APC: variants seen among roughly 807,000 people sequenced by gnomAD.
The protein encoded by APC is APC regulator of Wnt signaling pathway.
APC carries 72 observed loss-of-function variants against 247.0 expected under a neutral mutation model. The observed-to-expected ratio is 0.29, with a 90% CI of 0.24 to 0.35. APC has a LOEUF of 0.35. Among genes scored for constraint, APC ranks in the 10% least tolerant of loss-of-function variants. APC has a pLI of 1.00. For missense variants in APC, 3,400 were observed against 3,360.7 expected, an observed-to-expected ratio of 1.01 and a Z score of -0.29; for synonymous variants, 1,254 against 1,162.5, an observed-to-expected ratio of 1.08 and a Z score of -1.60.
At chr5:112,712,036 A>C (rs777828509) in intron 1 of APC, among the ~76,000 whole-genome samples, 15 of 152,208 alleles carry the variant, frequency 9.9e-5, no homozygotes, top group Non-Finnish European at 1.5e-5. Flanking sequence ...CCAAACCTGT[A>C]ACAATATCTT....
At chr5:112,718,037 C>T (rs1342233760) in intron 1 of APC, among the ~76,000 whole-genome samples, 2 of 144,376 alleles carry the variant, frequency 1.4e-5, no homozygotes, top group Admixed American at 7.0e-5. Flanking sequence ...GTTATTAACT[C>T]ATTCAGTAAA....
At chr5:112,796,335 A>G (rs866525560) in intron 7 of APC, among the ~76,000 whole-genome samples, 2 of 152,156 alleles carry the variant, frequency 1.3e-5, no homozygotes, top group Non-Finnish European at 1.5e-5. Flanking sequence ...TTCCCCAAAA[A>G]CTCAGCTGAA....
intron 6 of APC, among the ~76,000 whole-genome samples, chr5:112,792,016 G>A (rs1205272639): frequency 6.6e-6 from 1 of 152,158 alleles, no homozygotes; most frequent in Non-Finnish European, 1.5e-5. Context: ...GGGAAGCCGA[G>A]GCAGGCGGAT....
intron 11 of APC, among the ~76,000 whole-genome samples, chr5:112,822,583 A>G (rs1035886240): frequency 6.6e-6 from 1 of 152,198 alleles, no homozygotes; most frequent in Non-Finnish European, 1.5e-5. Context: ...ACTAAGCCTT[A>G]TATAACCAGC....
chr5:112,774,493 G>A (rs1023506208), intron 4 of APC, among the ~76,000 whole-genome samples: 1 of 141,902 alleles, frequency 7.0e-6, no homozygotes, highest in African/African-American at 2.6e-5. Context: ...TTGGAAAGGA[G>A]TCCATTGCCC....
intron 6 of APC, among the ~76,000 whole-genome samples, chr5:112,785,213 A>G (rs1346422888): frequency 1.3e-5 from 2 of 152,208 alleles, no homozygotes; most frequent in South Asian, 2.1e-4. Context: ...ATCCTACACT[A>G]TTTTTGAACT....
intron 8 of APC, among the ~76,000 whole-genome samples, chr5:112,814,758 A>G (rs1018808045): frequency 7.2e-5 from 11 of 152,178 alleles, no homozygotes; most frequent in Admixed American, 7.2e-4. Flanking sequence ...ATGACATGAG[A>G]TACTTAATGA....
chr5:112,832,180 A>C (rs1291539949), intron 14 of APC, among the ~76,000 whole-genome samples: 4 of 152,130 alleles, frequency 2.6e-5, no homozygotes, highest in African/African-American at 9.7e-5. Flanking sequence ...TTTTGAAACA[A>C]AACCTCTGGC....
At chr5:112,783,429 G>C (rs1391900885) in intron 6 of APC, among the ~76,000 whole-genome samples, 1 of 151,994 alleles carries the variant, frequency 6.6e-6, no homozygotes, top group African/African-American at 2.4e-5. Flanking sequence ...GCAAATAATG[G>C]AAATGTTGGT....
chr5:112,807,301 G>A (rs1210217527), intron 8 of APC, among the ~76,000 whole-genome samples: 1 of 152,068 alleles, frequency 6.6e-6, no homozygotes, highest in Non-Finnish European at 1.5e-5. Context: ...AGGGAGTTCT[G>A]GGTTTTTGTA....
intron 5 of APC, among the ~76,000 whole-genome samples, chr5:112,778,962 AAG>A (rs909358578): frequency 2.0e-5 from 3 of 152,066 alleles, no homozygotes; most frequent in Non-Finnish European, 4.4e-5. Flanking sequence ...TAAAAACTGA[AAG>A]AGAGAAAACC....
chr5:112,814,093 C>A (rs900522649), intron 8 of APC, among the ~76,000 whole-genome samples: 1 of 152,278 alleles, frequency 6.6e-6, no homozygotes, highest in Non-Finnish European at 1.5e-5. Flanking sequence ...AATGCAGCAG[C>A]GAACAGAATA....
intron 1 of APC, chr5:112,738,439 TGA>T: frequency 1.0e-6 from 1 of 985,690 alleles, no homozygotes; most frequent in Non-Finnish European, 1.2e-6. Context: ...CTACTGGGGA[TGA>T]GAGAAAGAGG....
chr5:112,843,415 C>T lies in APC; in HGVS notation c.7821C>T (p.Ser2607=), dbSNP rs532235331. 613 of 1,612,812 alleles carry T rather than the reference C, an allele frequency of 3.8e-4. 12 individuals carry two copies. In the South Asian group the frequency reaches 6.4e-3, roughly 17 times the overall value. ...GTKQSKENQV[S]AKGTWRKIKE... is the part of the protein sequence containing the mutation. ...AACAAAGTAAAGAAAACCAAGTATCCGCAAAAGGAACATGGAGAAAAATAA... is the reference window on the plus strand; with the variant it reads ...AACAAAGTAAAGAAAACCAAGTATCTGCAAAAGGAACATGGAGAAAAATAA... The change falls in exon 16 of 16, where the codon TCC becomes TCT. Residue 2607 remains serine, a synonymous_variant. Transcript: ENST00000257430. This position sits in a 1 kb window ranked among gnomAD's most constrained non-coding sequence, Gnocchi z 4.8.
intron 5 of APC, among the ~76,000 whole-genome samples, chr5:112,776,521 AAC>A (rs1757666066): frequency 6.6e-6 from 1 of 152,192 alleles, no homozygotes; most frequent in Non-Finnish European, 1.5e-5. Context: ...TAGTCAGTGT[AAC>A]ACAGGGATTT....
chr5:112,732,121 A>C (rs893552432), intron 1 of APC, among the ~76,000 whole-genome samples: 2 of 152,188 alleles, frequency 1.3e-5, no homozygotes, highest in African/African-American at 4.8e-5. Flanking sequence ...AATTGCCAGT[A>C]CTTATGCAAG....
At chr5:112,738,561 GT>G in intron 1 of APC, 1 of 927,454 alleles carries the variant, frequency 1.1e-6, no homozygotes, top group Middle Eastern at 5.5e-4. Context: ...TGTGAACAGG[GT>G]GGCAAACAGA....
chr5:112,735,340 T>C (rs1257365291), upstream of APC, among the ~76,000 whole-genome samples: 1 of 152,076 alleles, frequency 6.6e-6, no homozygotes, highest in Non-Finnish European at 1.5e-5. Flanking sequence ...CACAGCTGGC[T>C]AATTTTTTTG....
intron 1 of APC, among the ~76,000 whole-genome samples, chr5:112,749,169 T>C (rs994321274): frequency 6.6e-6 from 1 of 152,214 alleles, no homozygotes; most frequent in Admixed American, 6.5e-5. Flanking sequence ...TCTGCTGTAG[T>C]TTCTTTACTG....
Sources: gnomAD v4.1 joint callset for allele counts (sites outside exome capture counted in the v4.1 genomes callset) on GRCh38, gnomAD v4.1.1 for gene constraint, Gnocchi (gnomAD v3.1) non-coding constraint, MANE v1.5 for transcripts, NCBI Gene and HGNC (gene_info 2026-07-23, HGNC 2026-07-21) for gene names.